PEDS1: variants seen among roughly 807,000 people sequenced by gnomAD.
PEDS1 encodes plasmanylethanolamine desaturase 1, also known as CarF homolog.
Under a neutral mutation model 35.2 loss-of-function variants are expected in PEDS1, and 14 were observed. The ratio of observed to expected loss-of-function variants is 0.40; its 90% CI spans 0.26 to 0.62. PEDS1 has a LOEUF of 0.62. Ranked by LOEUF, PEDS1 falls within the 20% of genes least tolerant of loss-of-function variation. The pLI is 0.44. For missense variants in PEDS1, 260 were observed against 367.8 expected (o/e 0.71, Z 2.40); for synonymous variants, 152 against 152.0 (o/e 1.00, Z 0.00).
In PEDS1 at chr20:50,128,275, C is replaced by T. The variant is rs766898063; in HGVS notation, c.479-88G>A. ...ATGGCCCTCACCACCTGCTCCTGGG[C>T]GGCTCCTGAGCTGGGCAAGCACCCA... On this transcript the variant is annotated intron_variant, in intron 4 of 5. Coordinates refer to ENST00000371652, the MANE Select transcript of PEDS1 (RefSeq NM_199129.4). The surrounding 1 kb of genome is among the most constrained non-coding windows in gnomAD (Gnocchi z 5.2). The T allele has an allele frequency of 1.1e-5, 17 of 1,515,516 alleles. No homozygotes were observed. Among genetic ancestry groups the T allele is most frequent in the Non-Finnish European group, 1.3e-5 (15 of 1,120,410 alleles). 93.9% of individuals were successfully genotyped at this position (1,515,516 alleles called of 1,614,324 possible).
intron 1 of PEDS1, among the ~76,000 whole-genome samples, chr20:50,149,809 A>G (rs2081383658): frequency 6.6e-6 from 1 of 152,124 alleles, no homozygotes; most frequent in Non-Finnish European, 1.5e-5. Context: ...GCTGACTTCC[A>G]TAGTGAAGAG....
In PEDS1 at chr20:50,128,111, G is replaced by C; in HGVS notation, c.555C>G (p.Ile185Met). Residue 185 changes from isoleucine (I) to methionine (M), a missense_variant, in exon 5 of 6, where the codon ATC becomes ATG. Around this residue, in one of 4 missense-constraint regions of PEDS1, gnomAD observed 83 missense variants for 142.8 expected, o/e 0.58. Transcript: ENST00000371652. The surrounding 1 kb of genome is among the most constrained non-coding windows in gnomAD (Gnocchi z 5.2). The part of the protein sequence containing the change: ...LIIFGTFTNQ[I>M]HKWSHTYFGL... Reference sequence around the variant, plus strand: ...CAAAGTACGTGTGCGACCACTTGTGGATCTGGTTGGTGAAGGTGCCGAAGA... The same window carrying C: ...CAAAGTACGTGTGCGACCACTTGTGCATCTGGTTGGTGAAGGTGCCGAAGA... 6.2e-7 allele frequency: 1 copy of C among 1,614,214 alleles called. No homozygotes were observed. The highest frequency in any genetic ancestry group is 8.5e-7 in the Non-Finnish European group (1 of 1,180,030).
At chr20:50,140,784 T>C (rs2081284627) in intron 2 of PEDS1, among the ~76,000 whole-genome samples, 1 of 152,174 alleles carries the variant, frequency 6.6e-6, no homozygotes, top group African/African-American at 2.4e-5. Context: ...GTGGAAGCTC[T>C]GGGGAGATAG....
chr20:50,137,816 G>A (rs993041926), intron 2 of PEDS1, among the ~76,000 whole-genome samples: 1 of 152,100 alleles, frequency 6.6e-6, no homozygotes, highest in Non-Finnish European at 1.5e-5. Context: ...GGTTGCAGTG[G>A]GCCGAGATTG....
intron 2 of PEDS1, among the ~76,000 whole-genome samples, chr20:50,139,930 C>T (rs2081275893): frequency 6.6e-6 from 1 of 151,972 alleles, no homozygotes; most frequent in Non-Finnish European, 1.5e-5. Context: ...CCGGCCGGAC[C>T]CCCAGATTGC....
At chr20:50,133,305 G>A (rs1382234985) in intron 2 of PEDS1, among the ~76,000 whole-genome samples, 4 of 152,140 alleles carry the variant, frequency 2.6e-5, no homozygotes, top group African/African-American at 9.7e-5. Flanking sequence ...TGGTGGGGGT[G>A]GGGGCAGCAC....
chr20:50,131,635 G>A (rs961093570), intron 2 of PEDS1, among the ~76,000 whole-genome samples: 2 of 150,842 alleles, frequency 1.3e-5, no homozygotes, highest in African/African-American at 4.9e-5. Context: ...AAAAAAAAAA[G>A]AAAGTACCTT....
chr20:50,152,866 G>A (rs538242040), intron 1 of PEDS1, among the ~76,000 whole-genome samples: 6 of 151,928 alleles, frequency 3.9e-5, no homozygotes, highest in Admixed American at 6.6e-5. Flanking sequence ...GAGGGTTGGG[G>A]AGAGGATATC....
Position 50,129,628 on chromosome 20 carries a change from G to A in PEDS1, c.396C>T (p.Phe132=), listed in dbSNP as rs542831241. Residue 132 remains phenylalanine, a synonymous_variant, in exon 4 of 6, where the codon TTC becomes TTT. Coordinates refer to ENST00000371652, the MANE Select transcript of PEDS1 (RefSeq NM_199129.4). The surrounding 1 kb of genome is among the most constrained non-coding windows in gnomAD (Gnocchi z 4.2). ...GGCAGTTGTCCCCGTTGGTCTCGAT[G>A]AAGTCGTGCCGTGTGATAGCTGTCG... is the stretch of plus-strand genomic sequence containing the variant. ...IDPTAITRHD[F]IETNGDNCLV... 7.4e-6 allele frequency: 12 copies of A among 1,614,126 alleles called. No homozygotes were observed. In the African/African-American group the frequency reaches 1.6e-4, roughly 22 times the overall value.
rs933323300 is a variant in PEDS1 at position 50,139,509 on chromosome 20, C to T, written c.241+3993G>A. ...CTGCAAGCCCTCCCTGGTTCTCCCC[C>T]GACCTCCCTGGTTCTCCCCCCATCT... On this transcript the variant is annotated intron_variant, in intron 2 of 5. Coordinates refer to ENST00000371652, the MANE Select transcript of PEDS1 (RefSeq NM_199129.4). 5.3e-5 allele frequency among the ~76,000 whole-genome samples: 8 copies of T among 151,526 alleles called. 1 individual carries two copies. In the South Asian group the frequency reaches 6.3e-4, roughly 12 times the overall value.
intron 1 of PEDS1, among the ~76,000 whole-genome samples, chr20:50,152,268 G>C (rs1318866303): frequency 6.6e-6 from 1 of 152,188 alleles, no homozygotes; most frequent in African/African-American, 2.4e-5. Flanking sequence ...AGGAAGAGAC[G>C]GCATGGAACC....
At position 50,129,569 on chromosome 20, in the gene PEDS1, T is replaced by A; in HGVS notation, c.455A>T (p.Tyr152Phe). Residue 152 changes from tyrosine (Y) to phenylalanine (F), a missense_variant, in exon 4 of 6, where the codon TAC becomes TTC. Tyr to Phe is a conservative substitution (Grantham distance 22). Coordinates refer to ENST00000371652, the MANE Select transcript of PEDS1 (RefSeq NM_199129.4). This position sits in a 1 kb window ranked among gnomAD's most constrained non-coding sequence, Gnocchi z 4.2. Reference sequence around the variant, plus strand: ...ACCAGGGCTGTGGGTGCGGAACTTGTAGGCCATGTTTAGCAGCGGCAGCAG... The same window carrying A: ...ACCAGGGCTGTGGGTGCGGAACTTGAAGGCCATGTTTAGCAGCGGCAGCAG... The part of the protein sequence containing the change: ...VTLLPLLNMA[Y>F]KFRTHSPEAL... The A allele has an allele frequency of 6.2e-7, 1 of 1,614,084 alleles. No individual in the cohort carries two copies. Among genetic ancestry groups the A allele is most frequent in the African/African-American group, 1.3e-5 (1 of 75,018 alleles).
Position 50,143,430 on chromosome 20 carries a change from A to C in PEDS1, c.241+72T>G. On this transcript the variant is annotated intron_variant, in intron 2 of 5. Coordinates refer to ENST00000371652, the MANE Select transcript of PEDS1 (RefSeq NM_199129.4). Reference sequence around the variant, plus strand: ...CACATCCATGCATGTGGACACACACACGCGCCAGTTACCCGGTGGGTCCCT... The same window carrying C: ...CACATCCATGCATGTGGACACACACCCGCGCCAGTTACCCGGTGGGTCCCT... 4 of 1,550,358 alleles carry C rather than the reference A, an allele frequency of 2.6e-6. No homozygotes were observed. In the East Asian group the frequency reaches 7.2e-5, roughly 28 times the overall value.
intron 2 of PEDS1, among the ~76,000 whole-genome samples, chr20:50,142,847 C>G (rs1484651110): frequency 6.6e-6 from 1 of 151,922 alleles, no homozygotes; most frequent in African/African-American, 2.4e-5. Context: ...GGTGAGAGTT[C>G]TAGGCACAGA....
intron 2 of PEDS1, among the ~76,000 whole-genome samples, chr20:50,132,090 G>A (rs749259714): frequency 3.3e-5 from 5 of 152,106 alleles, no homozygotes; most frequent in Non-Finnish European, 7.4e-5. Flanking sequence ...TATAATCCCA[G>A]CTACTCAGGA....
At chr20:50,152,372 AAAGG>A (rs1177684806) in intron 1 of PEDS1, among the ~76,000 whole-genome samples, 1 of 152,180 alleles carries the variant, frequency 6.6e-6, no homozygotes, top group Non-Finnish European at 1.5e-5. Context: ...CCCCACAGAA[AAAGG>A]AAGGATGTCA....
Position 50,153,620 on chromosome 20 carries a change from G to C in PEDS1, c.18C>G (p.Asn6Lys), listed in dbSNP as rs776579257. ...CCAGCTCCAGCTGCTGGCCCGGCCAGTTCTCGGCGCCCGCCATGGCCACTC... is the reference window on the plus strand; with the variant it reads ...CCAGCTCCAGCTGCTGGCCCGGCCACTTCTCGGCGCCCGCCATGGCCACTC... MAGAE[N>K]WPGQQLELDE... Residue 6 changes from asparagine (N) to lysine (K), a missense_variant, in exon 1 of 6, where the codon AAC (asparagine) becomes AAG (lysine). Asn to Lys is a moderately conservative substitution (Grantham distance 94). Around this residue, in one of 4 missense-constraint regions of PEDS1, gnomAD observed 114 missense variants for 121.6 expected, o/e 0.94. Coordinates refer to ENST00000371652, the MANE Select transcript of PEDS1 (RefSeq NM_199129.4). The C allele has an allele frequency of 7.7e-7, 1 of 1,301,294 alleles. No individual in the cohort carries two copies. The highest frequency in any genetic ancestry group is 3.1e-5 in the East Asian group (1 of 31,978). 80.6% of individuals were successfully genotyped at this position (1,301,294 alleles called of 1,614,324 possible).
intron 5 of PEDS1, among the ~76,000 whole-genome samples, chr20:50,125,628 T>C (rs1056650263): frequency 2.6e-5 from 4 of 152,022 alleles, no homozygotes; most frequent in Non-Finnish European, 5.9e-5. Flanking sequence ...AGAGTCTCAC[T>C]CTGTGGCCAG....
In PEDS1 at chr20:50,128,081, C is replaced by T. The variant is rs1181408565; in HGVS notation, c.585G>A (p.Leu195=). The T allele has an allele frequency of 6.2e-7, 1 of 1,614,192 alleles. No homozygotes were observed. Among genetic ancestry groups the T allele is most frequent in the South Asian group, 1.1e-5 (1 of 91,070 alleles). Residue 195 remains leucine, a synonymous_variant, in exon 5 of 6, where the codon CTG becomes CTA. Transcript: ENST00000371652. This position sits in a 1 kb window ranked among gnomAD's most constrained non-coding sequence, Gnocchi z 5.2. ...CCTGCAGGAGGGTGACCCAGCGTGG[C>T]AGCCCAAAGTACGTGTGCGACCACT... is the stretch of plus-strand genomic sequence containing the variant. The part of the protein sequence containing the change: ...IHKWSHTYFG[L]PRWVTLLQDW...
Sources: gnomAD v4.1 joint callset for allele counts (sites outside exome capture counted in the v4.1 genomes callset) on GRCh38, gnomAD v4.1.1 for gene constraint, gnomAD v4.1.1 regional missense constraint, Gnocchi (gnomAD v3.1) non-coding constraint, MANE v1.5 for transcripts, NCBI Gene and HGNC (gene_info 2026-07-23, HGNC 2026-07-21) for gene names.